The following EPHB6 variants were observed in gnomAD, a reference collection of about 807,000 sequenced individuals.
The protein encoded by EPHB6 is EPH receptor B6.
In EPHB6, 51 loss-of-function variants were observed where a neutral mutation model predicts 107.0. The ratio of observed to expected loss-of-function variants is 0.48; its 90% CI spans 0.38 to 0.60. The LOEUF (loss-of-function observed/expected upper bound fraction) is 0.60, where lower values mean the gene tolerates loss of function less well. EPHB6 is among the 20% of genes least tolerant of loss of function. EPHB6 has a pLI of 0.00. For synonymous variants in EPHB6, 553 were observed against 549.0 expected, an observed-to-expected ratio of 1.01 and a Z score of -0.10; for missense variants, 1,141 against 1,355.5, an observed-to-expected ratio of 0.84 and a Z score of 2.48.
Position 142,866,430 on chromosome 7 carries a change from C to A in EPHB6, c.1463-51C>A. On this transcript the variant is annotated intron_variant, in intron 9 of 19. Coordinates refer to ENST00000652003, the MANE Select transcript of EPHB6 (RefSeq NM_004445.6). This position sits in a 1 kb window ranked among gnomAD's most constrained non-coding sequence, Gnocchi z 5.2. ...CTGCCGCCCTCCCCTCAAGGCTGATCCTGCTCCCAGGGACTCCTATCCCCA... is the reference window on the plus strand; with the variant it reads ...CTGCCGCCCTCCCCTCAAGGCTGATACTGCTCCCAGGGACTCCTATCCCCA... 6.2e-7 allele frequency: 1 copy of A among 1,613,382 alleles called. No individual in the cohort carries two copies. The highest frequency in any genetic ancestry group is 2.2e-5 in the East Asian group (1 of 44,880).
At position 142,868,950 on chromosome 7, in the gene EPHB6, C is replaced by A; in HGVS notation, c.2287-24C>A. ...TCCCCCTGTCTCCGATCACTGACCT[C>A]TGCCCCCTGCCCCTTCCCCTCAGCA... On this transcript the variant is annotated intron_variant, in intron 15 of 19. Transcript: ENST00000652003. This position sits in a 1 kb window ranked among gnomAD's most constrained non-coding sequence, Gnocchi z 4.2. The A allele has an allele frequency of 6.2e-7, 1 of 1,603,630 alleles. No homozygotes were observed. Among genetic ancestry groups the A allele is most frequent in the Non-Finnish European group, 8.5e-7 (1 of 1,178,786 alleles).
chr7:142,867,849 G>A lies in EPHB6; in HGVS notation c.1865+127G>A. 2 of 1,439,278 alleles carry A rather than the reference G, an allele frequency of 1.4e-6. No individual in the cohort carries two copies. The highest frequency in any genetic ancestry group is 9.5e-7 in the Non-Finnish European group (1 of 1,047,832). 89.2% of individuals were successfully genotyped at this position (1,439,278 alleles called of 1,614,324 possible). On this transcript the variant is annotated intron_variant, in intron 12 of 19. Transcript: ENST00000652003. This position sits in a 1 kb window ranked among gnomAD's most constrained non-coding sequence, Gnocchi z 5.3. ...GTGCTCCTCCCGTCAGCCAGCCCCTGCCCTGGGCCCCACGTGGAGATGGGC... is the reference window on the plus strand; with the variant it reads ...GTGCTCCTCCCGTCAGCCAGCCCCTACCCTGGGCCCCACGTGGAGATGGGC...
In EPHB6 at chr7:142,868,140, G is replaced by A. The variant is rs2116464952; in HGVS notation, c.1918+91G>A. The stretch of plus-strand genomic sequence containing the variant: ...GCTGGATCCCCCCAAGATTGGGGGA[G>A]CTCCTTGGCACAACCTTCTGGAGGT... On this transcript the variant is annotated intron_variant, in intron 13 of 19. Coordinates refer to ENST00000652003, the MANE Select transcript of EPHB6 (RefSeq NM_004445.6). This position sits in a 1 kb window ranked among gnomAD's most constrained non-coding sequence, Gnocchi z 4.2. 1.2e-6 allele frequency: 2 copies of A among 1,613,514 alleles called. No homozygotes were observed. Among genetic ancestry groups the A allele is most frequent in the East Asian group, 2.2e-5 (1 of 44,870 alleles).
rs1370464079 is a variant in EPHB6, at chr7:142,871,076, G to A, written c.*172G>A. 2.8e-6 allele frequency: 2 copies of A among 716,424 alleles called. No homozygotes were observed. The highest frequency in any genetic ancestry group is 4.8e-6 in the Non-Finnish European group (2 of 413,084). 44.4% of individuals were successfully genotyped at this position (716,424 alleles called of 1,614,324 possible). ...CCACCAGCCCCCTCCTCATTAAAGG[G>A]AAAGAAGGGAATTTGCAGGTTTGGT... is the stretch of plus-strand genomic sequence containing the variant. On this transcript the variant is annotated 3_prime_UTR_variant, in exon 20 of 20. Coordinates refer to ENST00000652003, the MANE Select transcript of EPHB6 (RefSeq NM_004445.6).
chr7:142,866,030 G>C lies in EPHB6; in HGVS notation c.1176G>C (p.Leu392=), dbSNP rs140024825. The C allele has an allele frequency of 6.2e-7, 1 of 1,613,554 alleles. No individual in the cohort carries two copies. The highest frequency in any genetic ancestry group is 8.5e-7 in the Non-Finnish European group (1 of 1,179,794). The change falls in exon 9 of 20, where the codon CTG becomes CTC. Residue 392 remains leucine (L), a synonymous_variant. Transcript: ENST00000652003. The surrounding 1 kb of genome is among the most constrained non-coding windows in gnomAD (Gnocchi z 5.2). ...CAGCACTCATGCTACACTGGCGCCT[G>C]CCTCGGGAGCTGGGGGGTCGAGGGG... The part of the protein sequence containing the change: ...QGSALMLHWR[L]PRELGGRGDL...
chr7:142,870,916 C>G lies in EPHB6; in HGVS notation c.*12C>G, dbSNP rs773794507. 1.2e-6 allele frequency: 2 copies of G among 1,609,294 alleles called. No individual in the cohort carries two copies. Among genetic ancestry groups the G allele is most frequent in the Non-Finnish European group, 8.5e-7 (1 of 1,178,746 alleles). ...CAGTGGAGGTCTGAGAATGACGATA[C>G]CCGTGACTCAGCCCTGGACACTGGT... On this transcript the variant is annotated 3_prime_UTR_variant, in exon 20 of 20. Coordinates refer to ENST00000652003, the MANE Select transcript of EPHB6 (RefSeq NM_004445.6).
rs578096771 is a variant in EPHB6, at chr7:142,869,452, A to G, written c.2460+305A>G. The stretch of plus-strand genomic sequence containing the variant: ...TCCAGAGTCAGCACAGCTGGGTACA[A>G]ATTCTTAACACTCTGCTCTCCAGCT... On this transcript the variant is annotated intron_variant, in intron 16 of 19. Transcript: ENST00000652003. This position sits in a 1 kb window ranked among gnomAD's most constrained non-coding sequence, Gnocchi z 4.5. 2.0e-5 allele frequency among the ~76,000 whole-genome samples: 3 copies of G among 152,274 alleles called. No homozygotes were observed. The South Asian group carries it at 6.2e-4, about 32-fold the overall frequency.
In EPHB6 at chr7:142,870,314, C is replaced by A. The variant is rs763284143; in HGVS notation, c.2711C>A (p.Ala904Asp). ...TTGGACACTTGGCAGAAGGACCGTG[C>A]CCGGCGGCCTCATTTTGACCAGCTG... ...LMLDTWQKDRARRPHFDQLVA... is the reference protein window; with the variant it reads ...LMLDTWQKDRDRRPHFDQLVA... The change falls in exon 18 of 20, where the codon GCC becomes GAC. Residue 904 changes from alanine to aspartate, a missense_variant. Ala to Asp is a moderately radical substitution (Grantham distance 126). This residue lies in a region of EPHB6 where 616 missense variants were observed against 759.3 expected (regional missense o/e 0.81). Transcript: ENST00000652003. 4.3e-6 allele frequency: 7 copies of A among 1,614,206 alleles called. No individual in the cohort carries two copies. The highest frequency in any genetic ancestry group is 3.3e-5 in the Admixed American group (2 of 60,034).
Position 142,869,623 on chromosome 7 carries a change from G to A in EPHB6, c.2461-194G>A, listed in dbSNP as rs1163399005. 2.9e-6 allele frequency: 2 copies of A among 685,508 alleles called. No homozygotes were observed. Among genetic ancestry groups the A allele is most frequent in the Non-Finnish European group, 5.1e-6 (2 of 391,694 alleles). The allele number at this position is 685,508 out of a possible 1,614,324, so 42.5% of individuals were successfully genotyped here. A position where few individuals can be genotyped will look rare whatever the true frequency, so the allele number is the denominator to read the frequency against. ...CCTTAACATATCTGAGCACATAGTA[G>A]TTGCTCCATAAACGTGACTATTGCT... On this transcript the variant is annotated intron_variant, in intron 16 of 19. Transcript: ENST00000652003. This position sits in a 1 kb window ranked among gnomAD's most constrained non-coding sequence, Gnocchi z 4.5.
In EPHB6 at chr7:142,871,024, G is replaced by A; in HGVS notation, c.*120G>A. 1.1e-6 allele frequency: 1 copy of A among 928,160 alleles called. No individual in the cohort carries two copies. The highest frequency in any genetic ancestry group is 1.7e-6 in the Non-Finnish European group (1 of 593,186). 57.5% of individuals were successfully genotyped at this position (928,160 alleles called of 1,614,324 possible). ...CCACACCAAACCCAACCCTCCCGAT[G>A]GCTGCATTCCCTGGTCCTCCGCCTC... On this transcript the variant is annotated 3_prime_UTR_variant, in exon 20 of 20. Transcript: ENST00000652003.
chr7:142,864,967 A>C (rs1450819740), intron 7 of EPHB6, among the ~76,000 whole-genome samples: 3 of 152,222 alleles, frequency 2.0e-5, no homozygotes, highest in Non-Finnish European at 2.9e-5. Flanking sequence ...GGAGCCTTTC[A>C]CAGCAATTGC....
At chr7:142,856,830 C>G (rs998430469) in intron 1 of EPHB6, among the ~76,000 whole-genome samples, 1 of 152,166 alleles carries the variant, frequency 6.6e-6, no homozygotes. Flanking sequence ...CACTGATGTG[C>G]ATCTTCTGCC....
Position 142,855,546 on chromosome 7 carries a change from G to A in EPHB6, c.-432+161G>A, listed in dbSNP as rs759945171. ...TCCTCAAGGCCAGAGTGGGGTTCAT[G>A]AAGGGTGAGGAAACGGTCAACCTGG... is the stretch of plus-strand genomic sequence containing the variant. On this transcript the variant is annotated intron_variant, in intron 1 of 19. Coordinates refer to ENST00000652003, the MANE Select transcript of EPHB6 (RefSeq NM_004445.6). This position sits in a 1 kb window ranked among gnomAD's most constrained non-coding sequence, Gnocchi z 4.2. 1.2e-4 allele frequency among the ~76,000 whole-genome samples: 18 copies of A among 152,126 alleles called. No individual in the cohort carries two copies. Among genetic ancestry groups the A allele is most frequent in the Non-Finnish European group, 2.4e-4 (16 of 68,010 alleles).
rs1310510782 is a variant in EPHB6 at position 142,866,036 on chromosome 7, G to A, written c.1182G>A (p.Arg394=). Reference sequence around the variant, plus strand: ...TCATGCTACACTGGCGCCTGCCTCGGGAGCTGGGGGGTCGAGGGGACCTGC... The same window carrying A: ...TCATGCTACACTGGCGCCTGCCTCGAGAGCTGGGGGGTCGAGGGGACCTGC... The part of the protein sequence containing the change: ...SALMLHWRLP[R]ELGGRGDLLF... Residue 394 remains arginine, a synonymous_variant, in exon 9 of 20, where the codon CGG becomes CGA. Coordinates refer to ENST00000652003, the MANE Select transcript of EPHB6 (RefSeq NM_004445.6). This position sits in a 1 kb window ranked among gnomAD's most constrained non-coding sequence, Gnocchi z 5.2. The A allele has an allele frequency of 1.2e-6, 2 of 1,613,206 alleles. No homozygotes were observed. Among genetic ancestry groups the A allele is most frequent in the Non-Finnish European group, 1.7e-6 (2 of 1,179,640 alleles).
chr7:142,862,603 G>A (rs1036801485), intron 3 of EPHB6, among the ~76,000 whole-genome samples, 153 bp from the exon 4 acceptor site: 2 of 151,958 alleles, frequency 1.3e-5, no homozygotes, highest in Non-Finnish European at 2.9e-5. Flanking sequence ...TGTCCCTCCC[G>A]CTTCACTGCT....
intron 7 of EPHB6, among the ~76,000 whole-genome samples, chr7:142,865,014 A>T (rs546611714): frequency 7.2e-5 from 11 of 152,282 alleles, no homozygotes; most frequent in Admixed American, 5.2e-4. Flanking sequence ...AGCGATGGAG[A>T]CCAAAAGGAG....
chr7:142,870,476 A>G, intron 18 of EPHB6, 54 bp from the exon 19 acceptor site: 1 of 1,613,974 alleles, frequency 6.2e-7, no homozygotes, highest in Non-Finnish European at 8.5e-7. Context: ...AAAACTGAGG[A>G]GAGGGGCTAA....
chr7:142,868,882 T>C lies in EPHB6; in HGVS notation c.2287-92T>C, dbSNP rs1794751415. On this transcript the variant is annotated intron_variant, in intron 15 of 19. Transcript: ENST00000652003. This position sits in a 1 kb window ranked among gnomAD's most constrained non-coding sequence, Gnocchi z 4.2. ...CCAGCCATTTTCTGATTCGACACCC[T>C]CCCGCTCTCATGCTGTTGTCTGCTA... The C allele has an allele frequency of 6.3e-7, 1 of 1,583,830 alleles. No homozygotes were observed. Among genetic ancestry groups the C allele is most frequent in the African/African-American group, 1.3e-5 (1 of 74,430 alleles).
chr7:142,857,376 G>A (rs1205485758), intron 1 of EPHB6, among the ~76,000 whole-genome samples: 7 of 152,230 alleles, frequency 4.6e-5, no homozygotes, highest in Admixed American at 3.9e-4. Context: ...GCCTGATGAT[G>A]GGATCCTTCT....
Sources: gnomAD v4.1 joint callset for allele counts (sites outside exome capture counted in the v4.1 genomes callset) on GRCh38, gnomAD v4.1.1 for gene constraint, gnomAD v4.1.1 regional missense constraint, Gnocchi (gnomAD v3.1) non-coding constraint, MANE v1.5 for transcripts, NCBI Gene and HGNC (gene_info 2026-07-23, HGNC 2026-07-21) for gene names.